The following PPP2R2B variants were observed in gnomAD, a reference collection of about 807,000 sequenced individuals.
PPP2R2B encodes protein phosphatase 2 regulatory subunit Bbeta.
In PPP2R2B, 5 loss-of-function variants were observed where a neutral mutation model predicts 46.0. The ratio of observed to expected loss-of-function variants is 0.11; its 90% CI spans 0.06 to 0.23. The LOEUF is 0.23. Among genes scored for constraint, PPP2R2B ranks in the 10% least tolerant of loss-of-function variants. The probability of loss-of-function intolerance (pLI) is 1.00; values close to 1 mark genes in which losing one functional copy is unlikely to be tolerated. For synonymous variants in PPP2R2B, 215 were observed against 206.7 expected (o/e 1.04, Z -0.34); for missense variants, 367 against 575.0 (o/e 0.64, Z 3.70).
chr5:147,040,502 G>T (rs964890851), intron 1 of PPP2R2B, among the ~76,000 whole-genome samples: 1 of 152,098 alleles, frequency 6.6e-6, no homozygotes, highest in African/African-American at 2.4e-5. Flanking sequence ...ATGCAAGCTG[G>T]CATAGGGTCA....
intron 1 of PPP2R2B, among the ~76,000 whole-genome samples, chr5:146,923,737 A>G (rs915829101): frequency 1.3e-5 from 2 of 152,226 alleles, no homozygotes; most frequent in Non-Finnish European, 2.9e-5. Flanking sequence ...CCAAAAGAAT[A>G]TACATCATTC....
At chr5:146,621,295 C>A (rs147123626) in intron 7 of PPP2R2B, among the ~76,000 whole-genome samples, 2 of 152,236 alleles carry the variant, frequency 1.3e-5, no homozygotes, top group East Asian at 1.9e-4. Flanking sequence ...CCAGGCACTG[C>A]GCTAAACTCT....
intron 2 of PPP2R2B, among the ~76,000 whole-genome samples, chr5:146,752,547 T>C (rs987136484): frequency 4.6e-5 from 7 of 152,236 alleles, no homozygotes; most frequent in African/African-American, 1.7e-4. Context: ...GTCTGCTTAG[T>C]TTATTGCAAT....
At chr5:146,974,988 C>T (rs772997005) in intron 1 of PPP2R2B, among the ~76,000 whole-genome samples, 14 of 152,086 alleles carry the variant, frequency 9.2e-5, no homozygotes, top group Non-Finnish European at 1.3e-4. Flanking sequence ...CGTGCCCCGC[C>T]TATTTTTTAA....
At chr5:146,636,196 C>T (rs1774808804) in intron 7 of PPP2R2B, among the ~76,000 whole-genome samples, 1 of 152,074 alleles carries the variant, frequency 6.6e-6, no homozygotes, top group Admixed American at 6.5e-5. Flanking sequence ...AATTACCTCC[C>T]ACATACTAGA....
chr5:146,964,181 C>T (rs928438615), intron 1 of PPP2R2B, among the ~76,000 whole-genome samples: 7 of 152,140 alleles, frequency 4.6e-5, no homozygotes, highest in African/African-American at 1.4e-4. Flanking sequence ...CGGCTAAATA[C>T]GTCAGAAAAC....
chr5:147,026,603 C>A (rs934490380), intron 1 of PPP2R2B, among the ~76,000 whole-genome samples: 2 of 152,044 alleles, frequency 1.3e-5, no homozygotes, highest in African/African-American at 4.8e-5. Flanking sequence ...TGTAGGCCAA[C>A]TATACCTCAA....
chr5:146,730,609 G>T (rs11958823), intron 2 of PPP2R2B, among the ~76,000 whole-genome samples: 3,799 of 152,240 alleles, frequency 0.025, 147 homozygotes, highest in African/African-American at 0.083. Context: ...TCCCGTGCTA[G>T]TCTCATAATA....
intron 1 of PPP2R2B, among the ~76,000 whole-genome samples, chr5:147,001,718 A>G (rs1423159210): frequency 6.6e-6 from 1 of 152,112 alleles, no homozygotes; most frequent in Non-Finnish European, 1.5e-5. Flanking sequence ...ATTTTTCCTT[A>G]GAATCTGGGG....
intron 1 of PPP2R2B, among the ~76,000 whole-genome samples, chr5:146,951,030 T>C (rs1764635673): frequency 6.6e-6 from 1 of 151,992 alleles, no homozygotes; most frequent in African/African-American, 2.4e-5. Context: ...ATTTGAGATT[T>C]TTCATGATTG....
chr5:146,743,082 T>C lies in PPP2R2B; in HGVS notation c.71-41940A>G, dbSNP rs147943756. ...TCTGTTATTTACACCACCCACTTTG[T>C]GGTACTTTGCTATGGCAGCCCTAGC... On this transcript the variant is annotated intron_variant, in intron 2 of 9. Transcript: ENST00000394411. Among the ~76,000 whole-genome samples, 1,370 of 152,284 alleles carry C rather than the reference T, an allele frequency of 9.0e-3. 29 individuals carry two copies. The highest frequency in any genetic ancestry group is 0.031 in the African/African-American group (1,306 of 41,556).
chr5:146,763,749 G>T (rs1370634979), intron 2 of PPP2R2B, among the ~76,000 whole-genome samples: 1 of 152,120 alleles, frequency 6.6e-6, no homozygotes, highest in Non-Finnish European at 1.5e-5. Flanking sequence ...CTTTCCAAAG[G>T]TCTTGCTCTG....
chr5:146,692,141 C>T (rs182339531), intron 4 of PPP2R2B, among the ~76,000 whole-genome samples: 3 of 152,338 alleles, frequency 2.0e-5, no homozygotes, highest in Admixed American at 2.0e-4. Flanking sequence ...GCACCCAGAA[C>T]AGTGCCTGGC....
At chr5:146,883,724 G>A (rs769119838), upstream of PPP2R2B, among the ~76,000 whole-genome samples, 2 of 152,198 alleles carry the variant, frequency 1.3e-5, no homozygotes, top group African/African-American at 2.4e-5. Flanking sequence ...TAGCAAGTTT[G>A]CAATTCCTGT....
At chr5:146,897,154 TA>T (rs1468639144) in intron 1 of PPP2R2B, among the ~76,000 whole-genome samples, 1 of 152,028 alleles carries the variant, frequency 6.6e-6, no homozygotes, top group Non-Finnish European at 1.5e-5. Flanking sequence ...AGAAGACAGG[TA>T]AGTGGAGGAA....
intron 2 of PPP2R2B, among the ~76,000 whole-genome samples, chr5:146,765,696 T>C (rs1754434089): frequency 6.6e-6 from 1 of 152,256 alleles, no homozygotes; most frequent in African/African-American, 2.4e-5. Flanking sequence ...ATTTAGAACT[T>C]GGTTTTCTCA....
chr5:146,968,825 G>A (rs533945745), intron 1 of PPP2R2B, among the ~76,000 whole-genome samples: 8 of 152,162 alleles, frequency 5.3e-5, no homozygotes, highest in South Asian at 2.1e-4. Flanking sequence ...GAGGAGAGAC[G>A]TACAACATGA....
intron 1 of PPP2R2B, among the ~76,000 whole-genome samples, chr5:146,886,459 G>T (rs566159080): frequency 6.6e-6 from 1 of 152,064 alleles, no homozygotes; most frequent in Non-Finnish European, 1.5e-5. Flanking sequence ...TAGTTTAAAA[G>T]TTTGAATCTT....
chr5:146,938,207 G>A (rs1262297942), intron 1 of PPP2R2B, among the ~76,000 whole-genome samples: 21 of 152,066 alleles, frequency 1.4e-4, no homozygotes, highest in Non-Finnish European at 2.1e-4. Flanking sequence ...TTAAATTATA[G>A]CACAATATAA....
Sources: allele counts gnomAD v4.1 joint callset (sites outside exome capture counted in the v4.1 genomes callset), GRCh38; gene constraint gnomAD v4.1.1; transcripts MANE v1.5; gene names NCBI Gene and HGNC (gene_info 2026-07-23, HGNC 2026-07-21).